Variants in LOC128092252 observed in about 807,000 individuals in gnomAD.
chr15:50,677,760 AC>A, the LOC128092252 span, among the ~76,000 whole-genome samples: 12,727 of 134,958 alleles, frequency 0.094, 1,425 homozygotes, highest in East Asian at 0.19. Flanking sequence ...AAAAAAAAAA[AC>A]AAAAGGTAAC....
chr15:50,657,703 G>C, the LOC128092252 span: 1 of 1,285,790 alleles, frequency 7.8e-7, no homozygotes, highest in East Asian at 2.4e-5. Context: ...TCATGCCACT[G>C]TGTTCTAACT....
At chr15:50,671,373 C>CA in the LOC128092252 span, among the ~76,000 whole-genome samples, 8 of 152,084 alleles carry the variant, frequency 5.3e-5, no homozygotes, top group African/African-American at 1.9e-4. Flanking sequence ...ATCCAGGTCA[C>CA]AAAAAACAGA....
At chr15:50,671,817 T>C in the LOC128092252 span, among the ~76,000 whole-genome samples, 8 of 151,858 alleles carry the variant, frequency 5.3e-5, no homozygotes, top group Non-Finnish European at 8.8e-5. Flanking sequence ...AAAAAAAAAT[T>C]CCTATGGCCT....
chr15:50,679,727 G>A, the LOC128092252 span, among the ~76,000 whole-genome samples: 1 of 150,560 alleles, frequency 6.6e-6, no homozygotes, highest in South Asian at 2.1e-4. Context: ...GTAGAGGTGG[G>A]GTTATCTACG....
At chr15:50,660,398 G>A in the LOC128092252 span, among the ~76,000 whole-genome samples, 1 of 151,932 alleles carries the variant, frequency 6.6e-6, no homozygotes, top group Non-Finnish European at 1.5e-5. Flanking sequence ...TACCAGGCAC[G>A]GTGACTCACT....
the LOC128092252 span, chr15:50,686,709 G>C: frequency 1.2e-6 from 1 of 815,302 alleles, no homozygotes; most frequent in Non-Finnish European, 1.8e-6. Flanking sequence ...CAGAAGCCGA[G>C]TCTTTCATAA....
the LOC128092252 span, among the ~76,000 whole-genome samples, chr15:50,678,553 CA>C: frequency 2.0e-5 from 3 of 147,858 alleles, no homozygotes; most frequent in South Asian, 6.4e-4. Flanking sequence ...CACACACACA[CA>C]CATATACATA....
At chr15:50,684,898 G>A in the LOC128092252 span, among the ~76,000 whole-genome samples, 2 of 152,096 alleles carry the variant, frequency 1.3e-5, no homozygotes, top group Non-Finnish European at 2.9e-5. Context: ...TAAAACATGA[G>A]ACAATCAGGG....
the LOC128092252 span, among the ~76,000 whole-genome samples, chr15:50,685,782 CCT>C: frequency 9.9e-5 from 15 of 152,134 alleles, no homozygotes; most frequent in Non-Finnish European, 1.9e-4. Flanking sequence ...GCACCGCCTC[CCT>C]CTCTCCATTC....
chr15:50,679,538 A>ATATATTTTT, the LOC128092252 span, among the ~76,000 whole-genome samples: 90 of 43,852 alleles, frequency 2.1e-3, 1 homozygote, highest in African/African-American at 9.5e-3. Context: ...ATATATATAT[A>ATATATTTTT]TTTTTTTTTT....
the LOC128092252 span, among the ~76,000 whole-genome samples, chr15:50,676,803 A>C: frequency 5.3e-5 from 8 of 152,120 alleles, no homozygotes; most frequent in Non-Finnish European, 1.2e-4. Flanking sequence ...TCAAGGTGAA[A>C]ACAGCAGCTG....
chr15:50,650,713 C>A, the LOC128092252 span, among the ~76,000 whole-genome samples: 292 of 147,402 alleles, frequency 2.0e-3, 1 homozygote, highest in African/African-American at 6.7e-3. Flanking sequence ...CAAAAAAAAA[C>A]AAAAAAATCA....
the LOC128092252 span, among the ~76,000 whole-genome samples, chr15:50,677,750 A>C: frequency 3.4e-5 from 5 of 148,252 alleles, no homozygotes; most frequent in African/African-American, 9.9e-5. Flanking sequence ...AAAAAAAAAA[A>C]AAAAAAAAAA....
chr15:50,651,985 CTAAAAA>C, the LOC128092252 span, among the ~76,000 whole-genome samples: 2 of 151,676 alleles, frequency 1.3e-5, no homozygotes, highest in Admixed American at 6.6e-5. Context: ...ACCTTAAAAA[CTAAAAA>C]TAACAGCAAA....
chr15:50,657,812 G>A, the LOC128092252 span: 2 of 1,611,156 alleles, frequency 1.2e-6, no homozygotes, highest in Non-Finnish European at 1.7e-6. Context: ...TGACATCCTG[G>A]AAGGCATCTA....
At chr15:50,658,653 T>A in the LOC128092252 span, among the ~76,000 whole-genome samples, 15 of 151,440 alleles carry the variant, frequency 9.9e-5, no homozygotes, top group Admixed American at 6.6e-4. Context: ...ATTTATATAA[T>A]CCCTATGGAA....
At chr15:50,663,849 G>A in the LOC128092252 span, among the ~76,000 whole-genome samples, 6 of 152,132 alleles carry the variant, frequency 3.9e-5, no homozygotes, top group African/African-American at 1.4e-4. Context: ...TGTAGTCCCA[G>A]CTACTTGGAA....
the LOC128092252 span, among the ~76,000 whole-genome samples, chr15:50,665,603 GAAT>G: frequency 3.1e-4 from 47 of 152,222 alleles, no homozygotes; most frequent in African/African-American, 9.6e-4. Context: ...TCTTAGAAGT[GAAT>G]AATAGTGAAA....
the LOC128092252 span, among the ~76,000 whole-genome samples, chr15:50,677,391 A>G: frequency 6.6e-6 from 1 of 152,024 alleles, no homozygotes; most frequent in Non-Finnish European, 1.5e-5. Context: ...GAGGGAGATC[A>G]CATTCAGTAC....
Sources: allele counts gnomAD v4.1 joint callset (sites outside exome capture counted in the v4.1 genomes callset), GRCh38; gene constraint gnomAD v4.1.1; transcripts MANE v1.5.